Variants in NCKAP5 observed in about 807,000 individuals in gnomAD.
NCKAP5 encodes the protein NCK associated protein 5, also known as nck-associated protein 5.
A neutral mutation model predicts 167.0 loss-of-function variants in NCKAP5; 92 were observed. The observed-to-expected ratio is 0.55, with a 90% CI of 0.47 to 0.66. The LOEUF is 0.66. NCKAP5 is among the 30% of genes least tolerant of loss of function. NCKAP5 has a pLI of 0.00. For missense variants in NCKAP5, 2,378 were observed against 2,315.0 expected (o/e 1.03, Z -0.56); for synonymous variants, 891 against 877.4 (o/e 1.02, Z -0.27).
chr2:133,059,326 T>G (rs1468434608), intron 6 of NCKAP5, among the ~76,000 whole-genome samples: 1 of 152,094 alleles, frequency 6.6e-6, no homozygotes, highest in South Asian at 2.1e-4. Flanking sequence ...TATTCTGATA[T>G]GCTAAAGGCC....
intron 3 of NCKAP5, among the ~76,000 whole-genome samples, chr2:133,475,911 C>T (rs1200699756): frequency 1.3e-5 from 2 of 152,176 alleles, no homozygotes. Flanking sequence ...TATGTGTCAA[C>T]CCAAGAATCA....
At chr2:133,471,056 G>A (rs148173327) in intron 3 of NCKAP5, among the ~76,000 whole-genome samples, 2 of 152,290 alleles carry the variant, frequency 1.3e-5, no homozygotes, top group African/African-American at 2.4e-5. Flanking sequence ...TTGCTTTTAT[G>A]TACTGATCAT....
chr2:133,485,733 T>A (rs911074465), intron 3 of NCKAP5, among the ~76,000 whole-genome samples: 2 of 152,124 alleles, frequency 1.3e-5, no homozygotes, highest in Admixed American at 6.6e-5. Flanking sequence ...AATATATCAC[T>A]AGTGATGGAA....
chr2:132,721,013 C>CAA (rs60864377), intron 19 of NCKAP5, among the ~76,000 whole-genome samples: 39,235 of 135,340 alleles, frequency 0.29, 5,680 homozygotes, highest in African/African-American at 0.34. Flanking sequence ...GACTCCATCT[C>CAA]AAAAAAAAAA....
rs924880818 is a variant in NCKAP5, at chr2:133,052,424, C to A, written c.342-58185G>T. ...AGGAGATGGGCAAAGAGTATGAAAA[C>A]TGGAGAGTTTGGGCCGGGCACGGTG... On this transcript the variant is annotated intron_variant, in intron 6 of 19. Transcript: ENST00000409261. Among the ~76,000 whole-genome samples, 4 of 152,048 alleles carry A rather than the reference C, an allele frequency of 2.6e-5. No individual in the cohort carries two copies. The South Asian group carries it at 8.3e-4, about 32-fold the overall frequency.
intron 3 of NCKAP5, among the ~76,000 whole-genome samples, chr2:133,341,160 G>T (rs977012655): frequency 2.0e-5 from 3 of 146,966 alleles, no homozygotes; most frequent in Admixed American, 2.0e-4. Flanking sequence ...TTACCCCATG[G>T]AAAAAAAAAC....
chr2:133,194,832 G>A (rs1019774510), intron 5 of NCKAP5, among the ~76,000 whole-genome samples: 1 of 150,640 alleles, frequency 6.6e-6, no homozygotes, highest in African/African-American at 2.4e-5. Flanking sequence ...AGATAAAAGA[G>A]CTCGTGGAAG....
chr2:133,403,111 G>A (rs569264544), intron 3 of NCKAP5, among the ~76,000 whole-genome samples: 60 of 152,316 alleles, frequency 3.9e-4, no homozygotes, highest in African/African-American at 1.4e-3. Context: ...CAAAAACAAT[G>A]TGATTCATTG....
the NCKAP5 span, among the ~76,000 whole-genome samples, chr2:133,667,412 C>T: frequency 2.0e-5 from 3 of 151,988 alleles, no homozygotes; most frequent in Non-Finnish European, 4.4e-5. Flanking sequence ...CATACTCCCT[C>T]CACACCAACA....
chr2:132,827,948 C>T (rs185244780), intron 11 of NCKAP5, among the ~76,000 whole-genome samples: 33 of 152,182 alleles, frequency 2.2e-4, no homozygotes, highest in African/African-American at 6.0e-4. Flanking sequence ...GGAAGCAGTA[C>T]GATATAATAG....
At chr2:133,444,353 AAGATAGATAGATAGAT>A (rs3085736) in intron 3 of NCKAP5, among the ~76,000 whole-genome samples, 410 of 147,804 alleles carry the variant, frequency 2.8e-3, no homozygotes, top group South Asian at 8.9e-3. Flanking sequence ...GACAAAAACA[AAGATAGATAGATAGAT>A]AGATAGATAG....
At chr2:133,616,079 A>G in the NCKAP5 span, among the ~76,000 whole-genome samples, 1 of 151,698 alleles carries the variant, frequency 6.6e-6, no homozygotes. Context: ...TGAAGGCAGA[A>G]ATAAAGATGT....
intron 3 of NCKAP5, among the ~76,000 whole-genome samples, chr2:133,365,462 C>T (rs1014971520): frequency 1.1e-4 from 16 of 151,782 alleles, no homozygotes; most frequent in Non-Finnish European, 4.4e-5. Flanking sequence ...ACCTATGAGC[C>T]AGGATCATTG....
intron 11 of NCKAP5, among the ~76,000 whole-genome samples, chr2:132,838,193 G>A (rs546979510): frequency 3.9e-5 from 6 of 152,116 alleles, no homozygotes; most frequent in African/African-American, 1.4e-4. Context: ...GGCACCTGGG[G>A]TCTCCCAGTG....
rs1574196996 is a variant in NCKAP5 at position 132,783,591 on chromosome 2, C to T, written c.3220G>A (p.Glu1074Lys). The T allele has an allele frequency of 2.5e-6, 4 of 1,613,832 alleles. No homozygotes were observed. Among genetic ancestry groups the T allele is most frequent in the African/African-American group, 1.3e-5 (1 of 74,898 alleles). The change falls in exon 14 of 20, where the codon GAG (glutamate) becomes AAG (lysine). Residue 1074 changes from glutamate to lysine, a missense_variant. Coordinates refer to ENST00000409261, the MANE Select transcript of NCKAP5 (RefSeq NM_207363.3). Reference protein sequence around the residue: ...QTPRISPSTHEPLEMTSSKSV... With the variant: ...QTPRISPSTHKPLEMTSSKSV... ...TTGGAGGACGTCATTTCCAGTGGCTCATGGGTTGAAGGAGAGATCCTGGGA... is the reference window on the plus strand; with the variant it reads ...TTGGAGGACGTCATTTCCAGTGGCTTATGGGTTGAAGGAGAGATCCTGGGA...
chr2:132,803,078 A>C (rs909096398), intron 11 of NCKAP5, among the ~76,000 whole-genome samples: 1 of 152,206 alleles, frequency 6.6e-6, no homozygotes, highest in Non-Finnish European at 1.5e-5. Context: ...TTTTGGATAA[A>C]AGCTGATGTT....
intron 8 of NCKAP5, among the ~76,000 whole-genome samples, chr2:132,893,534 C>T (rs920269853): frequency 6.6e-6 from 1 of 152,142 alleles, no homozygotes; most frequent in Non-Finnish European, 1.5e-5. Flanking sequence ...ATGAAAGAGG[C>T]ACAACATATA....
At chr2:132,896,383 T>C (rs770951015) in intron 8 of NCKAP5, among the ~76,000 whole-genome samples, 20 of 152,170 alleles carry the variant, frequency 1.3e-4, no homozygotes, top group Admixed American at 1.3e-3. Context: ...CACTAACAGA[T>C]TCATACACCA....
At chr2:132,919,203 C>G (rs1695117018) in intron 8 of NCKAP5, among the ~76,000 whole-genome samples, 1 of 152,134 alleles carries the variant, frequency 6.6e-6, no homozygotes, top group Non-Finnish European at 1.5e-5. Flanking sequence ...ATACAGCCTT[C>G]TTGGTCTGGG....
Sources: gnomAD v4.1 joint callset for allele counts (sites outside exome capture counted in the v4.1 genomes callset) on GRCh38, gnomAD v4.1.1 for gene constraint, MANE v1.5 for transcripts, NCBI Gene and HGNC (gene_info 2026-07-23, HGNC 2026-07-21) for gene names.